GPC5: variants seen among roughly 807,000 people sequenced by gnomAD.
GPC5 encodes glypican-5.
GPC5 carries 47 observed loss-of-function variants against 53.9 expected under a neutral mutation model. That is an observed-to-expected ratio of 0.87 (90% CI 0.69 to 1.11). GPC5 has a LOEUF of 1.11. Ranked by LOEUF, GPC5 falls within the 50% of genes most tolerant of loss-of-function variation. GPC5 has a pLI of 0.00. For missense variants in GPC5, 748 were observed against 713.1 expected (o/e 1.05, Z -0.56); for synonymous variants, 286 against 263.3 (o/e 1.09, Z -0.84).
intron 7 of GPC5, among the ~76,000 whole-genome samples, chr13:92,691,521 G>T (rs11616502): frequency 6.6e-6 from 1 of 151,256 alleles, no homozygotes; most frequent in South Asian, 2.1e-4. Flanking sequence ...GAAATCACCC[G>T]TCTTCTGCGT....
At chr13:91,409,938 A>G (rs1877598602) in intron 1 of GPC5, among the ~76,000 whole-genome samples, 1 of 152,102 alleles carries the variant, frequency 6.6e-6, no homozygotes, top group Non-Finnish European at 1.5e-5. Context: ...TTTAGCTCCC[A>G]CTTATAAGTG....
chr13:92,240,555 G>A (rs895286980), intron 7 of GPC5: 7 of 152,246 alleles, frequency 4.6e-5, no homozygotes, highest in Non-Finnish European at 1.0e-4. Flanking sequence ...CCAGGCTAGA[G>A]TGCAGTGGTG....
At chr13:92,086,461 A>T (rs968099412) in intron 6 of GPC5, among the ~76,000 whole-genome samples, 1 of 152,234 alleles carries the variant, frequency 6.6e-6, no homozygotes, top group Non-Finnish European at 1.5e-5. Context: ...CTCATCAGGA[A>T]TGATGACATC....
chr13:91,730,814 T>C (rs545745148), intron 4 of GPC5, among the ~76,000 whole-genome samples: 1 of 152,322 alleles, frequency 6.6e-6, no homozygotes, highest in African/African-American at 2.4e-5. Flanking sequence ...AAAAGCACTC[T>C]ATCTCTTCCT....
At chr13:92,213,700 A>C (rs2042391007) in intron 7 of GPC5, among the ~76,000 whole-genome samples, 1 of 152,164 alleles carries the variant, frequency 6.6e-6, no homozygotes, top group Non-Finnish European at 1.5e-5. Flanking sequence ...AACAATAATA[A>C]AGAGTTCCTT....
intron 7 of GPC5, among the ~76,000 whole-genome samples, chr13:92,427,532 G>A (rs12584800): frequency 0.29 from 43,685 of 151,406 alleles, 7,340 homozygotes; most frequent in East Asian, 0.61. Flanking sequence ...AACATGCCAC[G>A]TTACTCTATT....
At chr13:92,411,971 A>T (rs998704330) in intron 7 of GPC5, among the ~76,000 whole-genome samples, 5 of 152,176 alleles carry the variant, frequency 3.3e-5, no homozygotes, top group African/African-American at 1.2e-4. Flanking sequence ...CACCAACCTA[A>T]ATATCTATCT....
intron 2 of GPC5, among the ~76,000 whole-genome samples, chr13:91,661,500 T>C (rs774475924): frequency 2.6e-5 from 4 of 152,180 alleles, no homozygotes; most frequent in Non-Finnish European, 5.9e-5. Context: ...TTCTGGCAAT[T>C]ATGCTTGTTG....
intron 4 of GPC5, among the ~76,000 whole-genome samples, chr13:91,751,200 C>G (rs182657791): frequency 6.6e-6 from 1 of 152,274 alleles, no homozygotes; most frequent in East Asian, 1.9e-4. Flanking sequence ...AACCAAAACC[C>G]ATCTTAATAA....
At chr13:92,252,593 G>C (rs545280538) in intron 7 of GPC5, among the ~76,000 whole-genome samples, 1 of 151,730 alleles carries the variant, frequency 6.6e-6, no homozygotes, top group African/African-American at 2.4e-5. Context: ...ACATATCTAG[G>C]CTTATACTTT....
At chr13:92,081,748 G>C (rs2041297487) in intron 6 of GPC5, among the ~76,000 whole-genome samples, 1 of 152,126 alleles carries the variant, frequency 6.6e-6, no homozygotes, top group South Asian at 2.1e-4. Context: ...ACACATATAA[G>C]AAAGTATATA....
chr13:91,604,675 GT>G (rs2033299629), intron 2 of GPC5, among the ~76,000 whole-genome samples: 1 of 138,194 alleles, frequency 7.2e-6, no homozygotes, highest in Non-Finnish European at 1.6e-5. Flanking sequence ...TCTCATTGTG[GT>G]TTTGATTTGC....
intron 6 of GPC5, among the ~76,000 whole-genome samples, chr13:91,996,901 G>A (rs2040508695): frequency 6.6e-6 from 1 of 151,964 alleles, no homozygotes; most frequent in African/African-American, 2.4e-5. Flanking sequence ...TTATTGTTAT[G>A]TAGTATTGTA....
intron 4 of GPC5, among the ~76,000 whole-genome samples, chr13:91,736,902 A>G (rs982495963): frequency 1.3e-5 from 2 of 151,250 alleles, no homozygotes; most frequent in Admixed American, 1.3e-4. Flanking sequence ...GAACAATAGG[A>G]AAAAATAAAA....
At chr13:91,964,356 C>G (rs2040160311) in intron 6 of GPC5, among the ~76,000 whole-genome samples, 3 of 152,164 alleles carry the variant, frequency 2.0e-5, no homozygotes, top group Admixed American at 6.5e-5. Flanking sequence ...CCACCCACAT[C>G]CTGCTGATTG....
At chr13:91,830,170 G>A (rs906049899) in intron 5 of GPC5, among the ~76,000 whole-genome samples, 1 of 152,000 alleles carries the variant, frequency 6.6e-6, no homozygotes, top group Non-Finnish European at 1.5e-5. Context: ...CCTACCCCCA[G>A]GCACGTATTC....
At chr13:91,664,612 A>G (rs988645718) in intron 2 of GPC5, among the ~76,000 whole-genome samples, 1 of 152,262 alleles carries the variant, frequency 6.6e-6, no homozygotes, top group African/African-American at 2.4e-5. Flanking sequence ...CATTCTGTAT[A>G]TACATGGCCT....
At chr13:91,587,133 T>C (rs1405511795) in intron 2 of GPC5, among the ~76,000 whole-genome samples, 1 of 152,134 alleles carries the variant, frequency 6.6e-6, no homozygotes, top group East Asian at 1.9e-4. Flanking sequence ...CAACTCAAAC[T>C]TCTTTGATTT....
At chr13:92,209,103 C>T (rs889739257) in intron 7 of GPC5, among the ~76,000 whole-genome samples, 3 of 152,276 alleles carry the variant, frequency 2.0e-5, no homozygotes, top group South Asian at 4.1e-4. Flanking sequence ...TATTATGAAA[C>T]ATTCCTTTTA....
Sources: allele counts gnomAD v4.1 joint callset (sites outside exome capture counted in the v4.1 genomes callset), GRCh38; gene constraint gnomAD v4.1.1; transcripts MANE v1.5; gene names NCBI Gene and HGNC (gene_info 2026-07-23, HGNC 2026-07-21).